The following PRRC2C variants were observed in gnomAD, a reference collection of about 807,000 sequenced individuals.
The protein encoded by PRRC2C is protein PRRC2C.
A neutral mutation model predicts 317.2 loss-of-function variants in PRRC2C; 72 were observed. The ratio of observed to expected loss-of-function variants is 0.23; its 90% CI spans 0.19 to 0.28. PRRC2C has a LOEUF of 0.28. Ranked by LOEUF, PRRC2C falls within the 10% of genes least tolerant of loss-of-function variation. PRRC2C has a pLI of 1.00. For synonymous variants in PRRC2C, 1,296 were observed against 1,205.9 expected (o/e 1.07, Z -1.55); for missense variants, 3,074 against 3,459.7 (o/e 0.89, Z 2.80).
At chr1:171,538,150 A>G (rs560576523) in intron 15 of PRRC2C, among the ~76,000 whole-genome samples, 372 of 151,994 alleles carry the variant, frequency 2.4e-3, no homozygotes, top group Non-Finnish European at 3.0e-3. Context: ...TAATCTTTGT[A>G]TTTTTTATAG....
chr1:171,549,723 A>G (rs1489762027), intron 17 of PRRC2C, among the ~76,000 whole-genome samples: 1 of 151,780 alleles, frequency 6.6e-6, no homozygotes, highest in Non-Finnish European at 1.5e-5. Context: ...CACCACACAC[A>G]TCTAATTTTT....
intron 19 of PRRC2C, among the ~76,000 whole-genome samples, chr1:171,558,658 T>G (rs1405518105): frequency 6.6e-6 from 1 of 152,238 alleles, no homozygotes; most frequent in African/African-American, 2.4e-5. Flanking sequence ...GATAAATGTT[T>G]TGTGTGTTCT....
Position 171,541,831 on chromosome 1 carries a change from A to G in PRRC2C, c.4365A>G (p.Val1455=), listed in dbSNP as rs538989937. The G allele has an allele frequency of 3.1e-6, 5 of 1,613,944 alleles. No individual in the cohort carries two copies. The highest frequency in any genetic ancestry group is 4.2e-6 in the Non-Finnish European group (5 of 1,179,884). ...CTGCTTCAAAATCAAATGAGGTGGT[A>G]GCAGTGCCCACAAATGGCACAGTTA... ...REAASKSNEV[V]AVPTNGTVNN... Residue 1455 remains valine, a synonymous_variant, in exon 16 of 35, where the codon GTA becomes GTG. Coordinates refer to ENST00000647382, the MANE Select transcript of PRRC2C (RefSeq NM_001387844.1). This position sits in a 1 kb window ranked among gnomAD's most constrained non-coding sequence, Gnocchi z 4.1.
chr1:171,525,490 A>G (rs1674386806), intron 10 of PRRC2C, among the ~76,000 whole-genome samples: 1 of 152,232 alleles, frequency 6.6e-6, no homozygotes, highest in Admixed American at 6.5e-5. Context: ...CTGGGAATAA[A>G]AAGGACTACT....
intron 30 of PRRC2C, among the ~76,000 whole-genome samples, chr1:171,586,185 C>A (rs1409285518): frequency 6.7e-6 from 1 of 150,086 alleles, no homozygotes; most frequent in Non-Finnish European, 1.5e-5. Flanking sequence ...GCCTCAGCCT[C>A]CCAAGTAGCT....
At position 171,566,281 on chromosome 1, in the gene PRRC2C, A is replaced by G. The variant is rs765431916; in HGVS notation, c.6166A>G (p.Ile2056Val). Residue 2056 changes from isoleucine to valine, a missense_variant, in exon 21 of 35, where the codon ATT (isoleucine) becomes GTT (valine). This residue lies in a region of PRRC2C where 640 missense variants were observed against 676.1 expected (regional missense o/e 0.95). Coordinates refer to ENST00000647382, the MANE Select transcript of PRRC2C (RefSeq NM_001387844.1). ...ESGLEIGTDT[I>V]QFGAPASNGN... ...TGGACTCGAAATTGGAACTGACACA[A>G]TTCAGTTTGGTGCTCCAGCCTCAAA... 2.5e-6 allele frequency: 4 copies of G among 1,611,588 alleles called. No individual in the cohort carries two copies. In the South Asian group the frequency reaches 4.4e-5, roughly 18 times the overall value.
At chr1:171,546,157 G>A (rs1335705419) in intron 17 of PRRC2C, among the ~76,000 whole-genome samples, 1 of 152,188 alleles carries the variant, frequency 6.6e-6, no homozygotes, top group Non-Finnish European at 1.5e-5. Flanking sequence ...CAGTGTCACT[G>A]TGGATAAATA....
At chr1:171,583,794 T>C (rs902719370) in intron 28 of PRRC2C, among the ~76,000 whole-genome samples, 162 bp from the exon 29 acceptor site, 7 of 152,218 alleles carry the variant, frequency 4.6e-5, no homozygotes, top group African/African-American at 1.7e-4. Context: ...TTCAGCTTCC[T>C]TATGATCTTA....
intron 18 of PRRC2C, 46 bp downstream of exon 18, chr1:171,550,286 C>A (rs1679939842): frequency 1.3e-6 from 2 of 1,483,564 alleles, no homozygotes; most frequent in African/African-American, 2.8e-5. Flanking sequence ...AGATTTGTTG[C>A]CCAAAGTGTA....
intron 9 of PRRC2C, 101 bp from the exon 10 acceptor site, chr1:171,524,720 C>A: frequency 1.6e-6 from 2 of 1,232,584 alleles, no homozygotes; most frequent in Non-Finnish European, 2.2e-6. Flanking sequence ...CATTTCCCCC[C>A]CCAGAAACCA....
chr1:171,569,983 T>C (rs1366111788), intron 23 of PRRC2C, among the ~76,000 whole-genome samples: 1 of 152,288 alleles, frequency 6.6e-6, no homozygotes, highest in South Asian at 2.1e-4. Context: ...GAGCGACTTA[T>C]ATACTGGTAA....
In PRRC2C at chr1:171,585,709, G is replaced by A. The variant is rs78186973; in HGVS notation, c.7749+1183G>A. Among the ~76,000 whole-genome samples, 490 of 152,278 alleles carry A rather than the reference G, an allele frequency of 3.2e-3. 4 individuals are homozygous for A. The highest frequency in any genetic ancestry group is 0.011 in the African/African-American group (468 of 41,564). On this transcript the variant is annotated intron_variant, in intron 30 of 34. Coordinates refer to ENST00000647382, the MANE Select transcript of PRRC2C (RefSeq NM_001387844.1). Reference sequence around the variant, plus strand: ...GACATGTCCTGTGGATAAATTCAAAGATAGTCCTAATTCTTTCAGTTTCTA... The same window carrying A: ...GACATGTCCTGTGGATAAATTCAAAAATAGTCCTAATTCTTTCAGTTTCTA...
intron 1 of PRRC2C, among the ~76,000 whole-genome samples, chr1:171,504,093 A>G (rs931841997): frequency 6.6e-6 from 1 of 152,242 alleles, no homozygotes; most frequent in South Asian, 2.1e-4. Flanking sequence ...TCATATGCTT[A>G]CTTACCATTT....
intron 12 of PRRC2C, among the ~76,000 whole-genome samples, chr1:171,534,313 A>G (rs1676414766): frequency 1.3e-5 from 2 of 152,206 alleles, no homozygotes; most frequent in Non-Finnish European, 2.9e-5. Flanking sequence ...TCATAACACC[A>G]AAATAGTGAA....
chr1:171,566,811 G>T lies in PRRC2C; in HGVS notation c.6526G>T (p.Val2176Leu). 1 of 1,613,644 alleles carries T rather than the reference G, an allele frequency of 6.2e-7. No individual in the cohort carries two copies. Among genetic ancestry groups the T allele is most frequent in the Admixed American group, 1.7e-5 (1 of 59,988 alleles). The change falls in exon 22 of 35, where the codon GTA becomes TTA. Residue 2176 changes from valine (V) to leucine (L), a missense_variant. Coordinates refer to ENST00000647382, the MANE Select transcript of PRRC2C (RefSeq NM_001387844.1). ...MSTEIGTMIS[V>L]SSAEYGTNAK... ...TACTGAAATAGGAACAATGATCTCG[G>T]TATCATCTGCAGAATATGGTACTAA...
At chr1:171,486,261 T>A (rs540148049) in intron 1 of PRRC2C, among the ~76,000 whole-genome samples, 1 of 152,148 alleles carries the variant, frequency 6.6e-6, no homozygotes, top group East Asian at 1.9e-4. Context: ...AAGACCTGGT[T>A]AGATGAGAGG....
At chr1:171,503,202 G>A (rs1048416473) in intron 1 of PRRC2C, among the ~76,000 whole-genome samples, 1 of 152,130 alleles carries the variant, frequency 6.6e-6, no homozygotes, top group African/African-American at 2.4e-5. Flanking sequence ...TATTGATAAT[G>A]ATAGAGTGCT....
chr1:171,522,892 G>A (rs1673865982), intron 7 of PRRC2C, among the ~76,000 whole-genome samples: 1 of 140,382 alleles, frequency 7.1e-6, no homozygotes, highest in Non-Finnish European at 1.5e-5. Flanking sequence ...CTTATTATAT[G>A]AGACTTGAAC....
At chr1:171,506,099 T>A (rs2102189330) in intron 1 of PRRC2C, among the ~76,000 whole-genome samples, 1 of 152,214 alleles carries the variant, frequency 6.6e-6, no homozygotes, top group Non-Finnish European at 1.5e-5. Flanking sequence ...GTTTCACCAT[T>A]TTGGCTAGAC....
Sources: gnomAD v4.1 joint callset for allele counts (sites outside exome capture counted in the v4.1 genomes callset) on GRCh38, gnomAD v4.1.1 for gene constraint, gnomAD v4.1.1 regional missense constraint, Gnocchi (gnomAD v3.1) non-coding constraint, MANE v1.5 for transcripts, NCBI Gene and HGNC (gene_info 2026-07-23, HGNC 2026-07-21) for gene names.